The following NKAIN3 variants were observed in gnomAD, a reference collection of about 807,000 sequenced individuals.
NKAIN3 encodes sodium/potassium transporting ATPase interacting 3.
A neutral mutation model predicts 30.2 loss-of-function variants in NKAIN3; 25 were observed. The observed-to-expected ratio is 0.83, with a 90% confidence interval of 0.60 to 1.16. NKAIN3 has a LOEUF of 1.16. Among genes scored for constraint, NKAIN3 ranks in the 50% most tolerant of loss-of-function variants. The probability of loss-of-function intolerance (pLI) is 0.00; values close to 1 mark genes in which losing one functional copy is unlikely to be tolerated. For missense variants in NKAIN3, 225 were observed against 254.1 expected, an observed-to-expected ratio of 0.89 and a Z score of 0.78; for synonymous variants, 91 against 89.6, an observed-to-expected ratio of 1.02 and a Z score of -0.09.
chr8:62,513,984 G>A (rs531205446), intron 1 of NKAIN3, among the ~76,000 whole-genome samples: 10 of 151,764 alleles, frequency 6.6e-5, no homozygotes, highest in Non-Finnish European at 1.2e-4. Flanking sequence ...CAGAAAGCAA[G>A]AAGGAGACAA....
chr8:62,804,417 C>A (rs1312712420), intron 4 of NKAIN3, among the ~76,000 whole-genome samples: 3 of 152,074 alleles, frequency 2.0e-5, no homozygotes, highest in African/African-American at 7.2e-5. Context: ...TACTGGCAAA[C>A]CAAATCCAGC....
rs1554588081 is a variant in NKAIN3 at position 62,883,459 on chromosome 8, T to TG, written c.472-34994_472-34993insG. Among the ~76,000 whole-genome samples, 125 of 78,410 alleles carry TG rather than the reference T, an allele frequency of 1.6e-3. 11 individuals are homozygous for TG. The highest frequency in any genetic ancestry group is 3.6e-3 in the Admixed American group (20 of 5,596). The allele number at this position is 78,410 out of a possible 152,430, so 51.4% of individuals were successfully genotyped here. A position where few individuals can be genotyped will look rare whatever the true frequency, so the allele number is the denominator to read the frequency against. On this transcript the variant is annotated intron_variant, in intron 4 of 6. Transcript: ENST00000623646. ...TATTATTTCCAGGAGTTTTATGGGTTTTTTTTTTTTTTTTCAGATTTTCTA... is the reference window on the plus strand; with the variant it reads ...TATTATTTCCAGGAGTTTTATGGGTTGTTTTTTTTTTTTTTCAGATTTTCTA...
chr8:62,410,531 G>A (rs913633117), intron 1 of NKAIN3, among the ~76,000 whole-genome samples: 2 of 151,986 alleles, frequency 1.3e-5, no homozygotes, highest in African/African-American at 2.4e-5. Context: ...AAATTGAGAC[G>A]TAAGAATTGA....
At position 62,485,054 on chromosome 8, in the gene NKAIN3, A is replaced by G. The variant is rs544273136; in HGVS notation, c.55-94485A>G. On this transcript the variant is annotated intron_variant, in intron 1 of 6. Transcript: ENST00000623646. Reference sequence around the variant, plus strand: ...TTCAACAGGAACTGCATAGTCCCTGACTGTCAGGAACAACAGAGCCCTGCC... The same window carrying G: ...TTCAACAGGAACTGCATAGTCCCTGGCTGTCAGGAACAACAGAGCCCTGCC... 5.3e-5 allele frequency among the ~76,000 whole-genome samples: 8 copies of G among 152,312 alleles called. No individual in the cohort carries two copies. The South Asian group carries it at 1.7e-3, about 32-fold the overall frequency.
chr8:62,362,948 G>A (rs1563365476), intron 1 of NKAIN3, among the ~76,000 whole-genome samples: 1 of 152,108 alleles, frequency 6.6e-6, no homozygotes. Flanking sequence ...GCTGGGATTG[G>A]CCAAGACTCC....
At chr8:62,268,464 A>G (rs1431459786) in intron 1 of NKAIN3, among the ~76,000 whole-genome samples, 1 of 152,122 alleles carries the variant, frequency 6.6e-6, no homozygotes. Context: ...AGAGTCAGGG[A>G]TCTCTCAGCA....
At chr8:62,491,543 C>T (rs1187518442) in intron 1 of NKAIN3, among the ~76,000 whole-genome samples, 1 of 152,122 alleles carries the variant, frequency 6.6e-6, no homozygotes, top group Non-Finnish European at 1.5e-5. Flanking sequence ...TAGAGGCAAA[C>T]ACAAATAGTG....
intron 3 of NKAIN3, among the ~76,000 whole-genome samples, chr8:62,734,732 A>C (rs1167572289): frequency 1.3e-5 from 2 of 152,242 alleles, no homozygotes; most frequent in Non-Finnish European, 2.9e-5. Context: ...GCTGAAAGGC[A>C]AGAAAGATAA....
chr8:62,796,861 C>G (rs1216598936), intron 4 of NKAIN3, among the ~76,000 whole-genome samples: 1 of 150,508 alleles, frequency 6.6e-6, no homozygotes, highest in Non-Finnish European at 1.5e-5. Context: ...TTTCAAGGCA[C>G]CATTCTGAAA....
At chr8:62,786,978 C>G (rs1452165057) in intron 4 of NKAIN3, among the ~76,000 whole-genome samples, 1 of 152,094 alleles carries the variant, frequency 6.6e-6, no homozygotes, top group Admixed American at 6.6e-5. Flanking sequence ...AATGGGAAAC[C>G]CAGGCATTGG....
At chr8:62,875,835 G>A (rs938985736) in intron 4 of NKAIN3, among the ~76,000 whole-genome samples, 1 of 152,160 alleles carries the variant, frequency 6.6e-6, no homozygotes, top group Non-Finnish European at 1.5e-5. Context: ...ACTCAAGATG[G>A]TCTAAAGACT....
At chr8:62,633,563 A>G (rs1375830453) in intron 3 of NKAIN3, among the ~76,000 whole-genome samples, 2 of 152,150 alleles carry the variant, frequency 1.3e-5, no homozygotes, top group African/African-American at 4.8e-5. Context: ...TGCAGGAGAG[A>G]GGGGCACCAC....
At chr8:62,993,455 T>G (rs1804024167) in intron 5 of NKAIN3, among the ~76,000 whole-genome samples, 3 of 152,322 alleles carry the variant, frequency 2.0e-5, no homozygotes, top group Admixed American at 6.5e-5. Flanking sequence ...GTCTTAATCT[T>G]CATCCTCTGT....
At chr8:62,705,150 T>C (rs1814478201) in intron 3 of NKAIN3, among the ~76,000 whole-genome samples, 1 of 152,208 alleles carries the variant, frequency 6.6e-6, no homozygotes, top group African/African-American at 2.4e-5. Flanking sequence ...AAGTTGATAG[T>C]ACTGAAGGTA....
chr8:62,579,315 A>C (rs1055523817), intron 1 of NKAIN3, among the ~76,000 whole-genome samples: 2 of 152,226 alleles, frequency 1.3e-5, no homozygotes, highest in Admixed American at 6.5e-5. Context: ...ATAGATTTAA[A>C]ATCTAATTAT....
chr8:62,576,984 A>G (rs1310517024), intron 1 of NKAIN3, among the ~76,000 whole-genome samples: 1 of 152,178 alleles, frequency 6.6e-6, no homozygotes, highest in Non-Finnish European at 1.5e-5. Context: ...AAATGGCTAA[A>G]TAACTAAAAT....
At chr8:62,398,363 G>A (rs1338622636) in intron 1 of NKAIN3, among the ~76,000 whole-genome samples, 3 of 152,096 alleles carry the variant, frequency 2.0e-5, no homozygotes, top group African/African-American at 7.2e-5. Flanking sequence ...AGAGCCTGCC[G>A]CACATTTAAG....
intron 1 of NKAIN3, among the ~76,000 whole-genome samples, chr8:62,570,509 C>G (rs1809902143): frequency 6.6e-6 from 1 of 152,124 alleles, no homozygotes; most frequent in African/African-American, 2.4e-5. Context: ...AAAGGCACAT[C>G]TCGCATGGCA....
chr8:62,729,035 A>C (rs574668047), intron 3 of NKAIN3, among the ~76,000 whole-genome samples: 44 of 110,238 alleles, frequency 4.0e-4, no homozygotes, highest in Admixed American at 5.7e-4. Flanking sequence ...AAAAAAAAAA[A>C]AAAACAAAAA....
Sources: gnomAD v4.1 joint callset for allele counts (sites outside exome capture counted in the v4.1 genomes callset) on GRCh38, gnomAD v4.1.1 for gene constraint, MANE v1.5 for transcripts, NCBI Gene and HGNC (gene_info 2026-07-23, HGNC 2026-07-21) for gene names.